The following MYRIP variants were observed in gnomAD, a reference collection of about 807,000 sequenced individuals.
MYRIP encodes the protein myosin VIIA and Rab interacting protein, also known as rab effector MyRIP.
In MYRIP, 49 loss-of-function variants were observed where a neutral mutation model predicts 98.0. The ratio of observed to expected loss-of-function variants is 0.50; its 90% CI spans 0.40 to 0.63. MYRIP has a LOEUF of 0.63. Ranked by LOEUF, MYRIP falls within the 30% of genes least tolerant of loss-of-function variation. MYRIP has a pLI of 0.00. For synonymous variants in MYRIP, 404 were observed against 409.5 expected, an observed-to-expected ratio of 0.99 and a Z score of 0.16; for missense variants, 1,004 against 1,058.2, an observed-to-expected ratio of 0.95 and a Z score of 0.71.
chr3:40,125,416 T>A (rs1004884522), intron 3 of MYRIP, among the ~76,000 whole-genome samples: 1 of 152,160 alleles, frequency 6.6e-6, no homozygotes. Context: ...TAGGCCAGTC[T>A]TTCCTTTTCA....
chr3:40,133,374 C>G (rs1949686609), intron 3 of MYRIP, among the ~76,000 whole-genome samples: 1 of 152,168 alleles, frequency 6.6e-6, no homozygotes, highest in East Asian at 1.9e-4. Flanking sequence ...ATAAGACAAA[C>G]AAAAAGTTGT....
intron 3 of MYRIP, among the ~76,000 whole-genome samples, chr3:40,142,832 C>G (rs1035768246): frequency 6.6e-6 from 1 of 152,218 alleles, no homozygotes; most frequent in African/African-American, 2.4e-5. Context: ...AGTTGGAAAG[C>G]TTTTCCCTAT....
chr3:39,959,541 G>A (rs1298532771), intron 2 of MYRIP, among the ~76,000 whole-genome samples: 1 of 152,020 alleles, frequency 6.6e-6, no homozygotes, highest in African/African-American at 2.4e-5. Context: ...GGGGAGCAGG[G>A]AGGGATGGCA....
At chr3:40,122,373 G>A (rs1023346908) in intron 3 of MYRIP, among the ~76,000 whole-genome samples, 7 of 151,290 alleles carry the variant, frequency 4.6e-5, no homozygotes, top group African/African-American at 1.7e-4. Context: ...AGAAAAAAAG[G>A]CCTTTATATA....
intron 10 of MYRIP, among the ~76,000 whole-genome samples, chr3:40,193,890 CT>C (rs5848553): frequency 0.88 from 133,682 of 152,138 alleles, 58,894 homozygotes; most frequent in Middle Eastern, 0.95. Context: ...TACATTTATA[CT>C]TTTTTTATCT....
At chr3:39,969,184 C>T (rs533505643) in intron 2 of MYRIP, among the ~76,000 whole-genome samples, 1 of 152,228 alleles carries the variant, frequency 6.6e-6, no homozygotes, top group Non-Finnish European at 1.5e-5. Context: ...TTGTATCCCG[C>T]AACTTTGCTG....
At chr3:39,933,545 A>G (rs2125702194) in intron 2 of MYRIP, among the ~76,000 whole-genome samples, 1 of 152,366 alleles carries the variant, frequency 6.6e-6, no homozygotes, top group African/African-American at 2.4e-5. Flanking sequence ...TCTGAGAAGA[A>G]GCCACTCAAT....
intron 5 of MYRIP, among the ~76,000 whole-genome samples, chr3:40,163,667 C>T (rs547736284): frequency 6.6e-6 from 1 of 152,272 alleles, no homozygotes; most frequent in East Asian, 1.9e-4. Flanking sequence ...AGACTCAGGA[C>T]TTAAACCAGC....
At chr3:39,823,045 A>T in intron 1 of MYRIP, among the ~76,000 whole-genome samples, 1 of 127,112 alleles carries the variant, frequency 7.9e-6, no homozygotes, top group Non-Finnish European at 1.6e-5. Context: ...TTTGAGATAG[A>T]GTCTGACTCT....
chr3:39,958,557 A>C (rs1482284670), intron 2 of MYRIP, among the ~76,000 whole-genome samples: 3 of 152,160 alleles, frequency 2.0e-5, no homozygotes, highest in Non-Finnish European at 4.4e-5. Context: ...TAAATGTTAG[A>C]CCTAAATCCA....
intron 2 of MYRIP, among the ~76,000 whole-genome samples, chr3:39,996,522 G>T (rs1218870612): frequency 2.0e-5 from 3 of 152,180 alleles, no homozygotes; most frequent in Non-Finnish European, 2.9e-5. Context: ...GGAGCACCCA[G>T]ATTCATAAAG....
chr3:40,257,674 G>A (rs1195614863), intron 16 of MYRIP, among the ~76,000 whole-genome samples: 6 of 152,046 alleles, frequency 3.9e-5, no homozygotes, highest in African/African-American at 1.4e-4. Context: ...AGAAAGAATA[G>A]ACAAAAGCAC....
chr3:40,151,584 T>G (rs1476419974), intron 4 of MYRIP, among the ~76,000 whole-genome samples: 3 of 152,240 alleles, frequency 2.0e-5, no homozygotes, highest in African/African-American at 7.2e-5. Flanking sequence ...CCTTTCTTCT[T>G]ACTCCAAACT....
At chr3:39,820,077 T>C (rs565277298) in intron 1 of MYRIP, among the ~76,000 whole-genome samples, 28 of 152,314 alleles carry the variant, frequency 1.8e-4, no homozygotes, top group Non-Finnish European at 3.5e-4. Flanking sequence ...TTAATCTTAC[T>C]GAGCTGACAC....
intron 3 of MYRIP, among the ~76,000 whole-genome samples, chr3:40,127,724 A>G (rs1256843757): frequency 6.6e-6 from 1 of 152,176 alleles, no homozygotes; most frequent in Non-Finnish European, 1.5e-5. Context: ...ATGTCAGCCT[A>G]TGCAGGGAGG....
intron 1 of MYRIP, among the ~76,000 whole-genome samples, chr3:39,895,435 C>T (rs764627287): frequency 1.3e-5 from 2 of 152,122 alleles, no homozygotes; most frequent in Non-Finnish European, 2.9e-5. Flanking sequence ...GATCCACCCA[C>T]CTCGGCCTCC....
chr3:40,139,219 A>C (rs181351593), intron 3 of MYRIP, among the ~76,000 whole-genome samples: 98 of 152,230 alleles, frequency 6.4e-4, no homozygotes, highest in South Asian at 2.7e-3. Context: ...TATTACATCT[A>C]TTTTTAAATT....
intron 2 of MYRIP, among the ~76,000 whole-genome samples, chr3:39,936,095 C>CTG (rs59181648): frequency 0.21 from 31,576 of 151,922 alleles, 5,042 homozygotes; most frequent in African/African-American, 0.45. Context: ...CCCCATTTTC[C>CTG]TGTTTGGATA....
At chr3:40,203,716 TTATATATTTA>T (rs1201503590) in intron 10 of MYRIP, among the ~76,000 whole-genome samples, 1 of 122,458 alleles carries the variant, frequency 8.2e-6, no homozygotes, top group African/African-American at 3.1e-5. Flanking sequence ...TTATATATTT[TTATATATTTA>T]TATATATTTA....
Sources: gnomAD v4.1 joint callset for allele counts (sites outside exome capture counted in the v4.1 genomes callset) on GRCh38, gnomAD v4.1.1 for gene constraint, MANE v1.5 for transcripts, NCBI Gene and HGNC (gene_info 2026-07-23, HGNC 2026-07-21) for gene names.